SHISA9: variants seen among roughly 807,000 people sequenced by gnomAD.
The protein encoded by SHISA9 is shisa family member 9, also known as protein shisa-9.
In SHISA9, 13 loss-of-function variants were observed where a neutral mutation model predicts 38.0. The observed-to-expected ratio is 0.34, with a 90% CI of 0.22 to 0.54. SHISA9 has a LOEUF of 0.54. Among genes scored for constraint, SHISA9 ranks in the 20% least tolerant of loss-of-function variants. The pLI is 0.91. For missense variants in SHISA9, 538 were observed against 575.8 expected (o/e 0.93, Z 0.67); for synonymous variants, 275 against 242.0 (o/e 1.14, Z -1.27).
intron 2 of SHISA9, among the ~76,000 whole-genome samples, chr16:13,191,684 A>G (rs889078235): frequency 6.6e-6 from 1 of 152,148 alleles, no homozygotes; most frequent in South Asian, 2.1e-4. Context: ...CTCCATTCTT[A>G]TTTCATTATG....
the SHISA9 span, among the ~76,000 whole-genome samples, chr16:13,384,164 C>T: frequency 1.3e-5 from 2 of 152,212 alleles, no homozygotes; most frequent in African/African-American, 4.8e-5. Context: ...TTTCATTCTT[C>T]TCTGTTCATA....
the SHISA9 span, among the ~76,000 whole-genome samples, chr16:13,278,501 G>A: frequency 2.6e-5 from 4 of 151,810 alleles, no homozygotes; most frequent in African/African-American, 4.8e-5. Context: ...ATACGCATTC[G>A]TCTTTGAATG....
At chr16:12,972,138 G>T (rs1003579026) in intron 2 of SHISA9, among the ~76,000 whole-genome samples, 3 of 149,484 alleles carry the variant, frequency 2.0e-5, no homozygotes, top group African/African-American at 7.4e-5. Context: ...ATAAATAAAG[G>T]TAAATAAAAA....
At chr16:13,162,073 G>T (rs544485012) in intron 2 of SHISA9, among the ~76,000 whole-genome samples, 1 of 152,154 alleles carries the variant, frequency 6.6e-6, no homozygotes, top group Non-Finnish European at 1.5e-5. Context: ...GGTGGACCTA[G>T]GATGTGGCTA....
intron 2 of SHISA9, among the ~76,000 whole-genome samples, chr16:12,932,184 C>T (rs1031963618): frequency 1.3e-5 from 2 of 152,164 alleles, no homozygotes; most frequent in African/African-American, 4.8e-5. Flanking sequence ...TTATAAATTA[C>T]CCAGTCTCAG....
At chr16:13,196,864 C>T (rs2050948530) in intron 2 of SHISA9, among the ~76,000 whole-genome samples, 1 of 152,176 alleles carries the variant, frequency 6.6e-6, no homozygotes, top group Non-Finnish European at 1.5e-5. Flanking sequence ...GAGACTGAGG[C>T]AGGCAGGTCA....
the SHISA9 span, among the ~76,000 whole-genome samples, chr16:13,362,532 A>C: frequency 6.6e-6 from 1 of 152,206 alleles, no homozygotes; most frequent in South Asian, 2.1e-4. Context: ...TGGCATCTGA[A>C]CTGGACTTTG....
At chr16:13,159,492 G>A (rs2050577416) in intron 2 of SHISA9, among the ~76,000 whole-genome samples, 1 of 152,232 alleles carries the variant, frequency 6.6e-6, no homozygotes, top group Non-Finnish European at 1.5e-5. Flanking sequence ...TTCTCAGGAG[G>A]AGGTCAGGAT....
chr16:13,068,871 GTA>G (rs1491545062), intron 2 of SHISA9, among the ~76,000 whole-genome samples: 12 of 137,132 alleles, frequency 8.8e-5, no homozygotes, highest in African/African-American at 4.0e-4. Context: ...TGCAATGTGT[GTA>G]TGTGTATTCA....
intron 2 of SHISA9, among the ~76,000 whole-genome samples, chr16:12,970,170 A>AAT: frequency 6.7e-6 from 1 of 149,202 alleles, no homozygotes; most frequent in East Asian, 2.0e-4. Flanking sequence ...ATTTTTAAGG[A>AAT]ATATATATAT....
At chr16:13,275,255 A>G in the SHISA9 span, among the ~76,000 whole-genome samples, 3 of 152,062 alleles carry the variant, frequency 2.0e-5, no homozygotes, top group Non-Finnish European at 4.4e-5. Flanking sequence ...TGCATATTTT[A>G]ATGTAATTGA....
chr16:12,902,647 C>A lies in SHISA9; in HGVS notation c.563+20C>A, dbSNP rs1343801673. ...GTCCAGGTGGGCTGCCTCCCCTTCG[C>A]CCTCCCCTCGGGGCTTCGCTCTCCC... is the stretch of plus-strand genomic sequence containing the variant. On this transcript the variant is annotated intron_variant, in intron 1 of 4. Transcript: ENST00000558583. 49 of 1,525,398 alleles carry A rather than the reference C, an allele frequency of 3.2e-5. No homozygotes were observed. The highest frequency in any genetic ancestry group is 4.1e-5 in the African/African-American group (3 of 72,738). 94.5% of individuals were successfully genotyped at this position (1,525,398 alleles called of 1,614,324 possible). A position where few individuals can be genotyped will look rare whatever the true frequency, so the allele number is the denominator to read the frequency against.
At chr16:13,477,726 A>G in the SHISA9 span, among the ~76,000 whole-genome samples, 1 of 152,190 alleles carries the variant, frequency 6.6e-6, no homozygotes, top group Non-Finnish European at 1.5e-5. Flanking sequence ...GCATTTTGGG[A>G]GGCCGAGGCA....
intron 2 of SHISA9, among the ~76,000 whole-genome samples, chr16:13,133,275 A>G (rs979775083): frequency 6.6e-6 from 1 of 152,250 alleles, no homozygotes; most frequent in Non-Finnish European, 1.5e-5. Context: ...TGAAATTCCT[A>G]GCCTCTCTCA....
chr16:13,222,792 G>C (rs1659143), intron 4 of SHISA9, among the ~76,000 whole-genome samples: 1 of 63,556 alleles, frequency 1.6e-5, no homozygotes, highest in African/African-American at 9.2e-5. Context: ...GTGTGTGTAT[G>C]TATATATATA....
the SHISA9 span, among the ~76,000 whole-genome samples, chr16:13,533,059 A>G: frequency 6.6e-6 from 1 of 152,058 alleles, no homozygotes; most frequent in Non-Finnish European, 1.5e-5. Context: ...TTCTCCAATT[A>G]CATCCTCTTA....
chr16:12,968,919 C>A (rs1248700230), intron 2 of SHISA9, among the ~76,000 whole-genome samples: 2 of 151,878 alleles, frequency 1.3e-5, no homozygotes, highest in Non-Finnish European at 2.9e-5. Context: ...GTAATCCCAA[C>A]AATTTGGGAG....
chr16:13,102,822 A>T (rs1477151494), intron 2 of SHISA9, among the ~76,000 whole-genome samples: 1 of 152,174 alleles, frequency 6.6e-6, no homozygotes, highest in Non-Finnish European at 1.5e-5. Context: ...GTTCCGGGAA[A>T]AATAACTATT....
chr16:13,003,759 G>GAGCCAGGAGAATCGCTTGA (rs2072556256), intron 2 of SHISA9, among the ~76,000 whole-genome samples: 1 of 152,154 alleles, frequency 6.6e-6, no homozygotes, highest in Non-Finnish European at 1.5e-5. Context: ...TCAGGAGGCT[G>GAGCCAGGAGAATCGCTTGA]AGCCAGGAGA....
Sources: gnomAD v4.1 joint callset for allele counts (sites outside exome capture counted in the v4.1 genomes callset) on GRCh38, gnomAD v4.1.1 for gene constraint, MANE v1.5 for transcripts, NCBI Gene and HGNC (gene_info 2026-07-23, HGNC 2026-07-21) for gene names.